ALG9: variants seen among roughly 807,000 people sequenced by gnomAD.
ALG9 encodes the protein ALG9 alpha-1,2-mannosyltransferase.
In ALG9, 55 loss-of-function variants were observed where a neutral mutation model predicts 81.8. The ratio of observed to expected loss-of-function variants is 0.67; its 90% CI spans 0.54 to 0.84. The LOEUF is 0.84. Among genes scored for constraint, ALG9 ranks in the 40% least tolerant of loss-of-function variants. ALG9 has a pLI of 0.00. For missense variants in ALG9, 629 were observed against 745.0 expected (o/e 0.84, Z 1.81); for synonymous variants, 278 against 274.3 (o/e 1.01, Z -0.13).
At chr11:111,797,143 TC>T (rs1555075993) in intron 14 of ALG9, among the ~76,000 whole-genome samples, 2 of 152,240 alleles carry the variant, frequency 1.3e-5, no homozygotes, top group African/African-American at 4.8e-5. Flanking sequence ...TTGACACTCC[TC>T]CCATCAACAG....
intron 6 of ALG9, among the ~76,000 whole-genome samples, chr11:111,857,142 G>A (rs1958826024): frequency 6.6e-6 from 1 of 152,060 alleles, no homozygotes; most frequent in African/African-American, 2.4e-5. Flanking sequence ...AAGAAAGAAG[G>A]AAGACGGGAG....
intron 10 of ALG9, among the ~76,000 whole-genome samples, chr11:111,839,687 G>A (rs1457787443): frequency 6.6e-6 from 1 of 151,716 alleles, no homozygotes; most frequent in Admixed American, 6.6e-5. Context: ...ATGCTGGGAG[G>A]AGTTTTTGTT....
chr11:111,821,732 T>C (rs1952424678), intron 13 of ALG9, among the ~76,000 whole-genome samples: 1 of 151,754 alleles, frequency 6.6e-6, no homozygotes, highest in Non-Finnish European at 1.5e-5. Flanking sequence ...ACCTCCCGGG[T>C]TCACGCCATT....
intron 8 of ALG9, among the ~76,000 whole-genome samples, chr11:111,852,822 A>G (rs1305705815): frequency 3.3e-5 from 5 of 151,712 alleles, no homozygotes; most frequent in Admixed American, 1.3e-4. Context: ...AATAGCTGTA[A>G]TCCCAGCTAT....
chr11:111,870,707 T>C (rs1398977241), intron 1 of ALG9: 2 of 1,034,444 alleles, frequency 1.9e-6, no homozygotes, highest in African/African-American at 1.7e-5. Flanking sequence ...AAGGCATAAA[T>C]TAACTCATAC....
intron 10 of ALG9, among the ~76,000 whole-genome samples, chr11:111,839,756 A>T (rs1271070477): frequency 6.6e-5 from 10 of 152,188 alleles, no homozygotes. Flanking sequence ...ATAAAGTTCA[A>T]TTACTTTTAT....
chr11:111,768,382 G>GT, the ALG9 span, among the ~76,000 whole-genome samples: 37 of 150,978 alleles, frequency 2.5e-4, no homozygotes, highest in South Asian at 8.6e-4. Flanking sequence ...ATTTGTTGTG[G>GT]TTTTTTTTTA....
chr11:111,852,430 G>A (rs1361617095), intron 8 of ALG9, among the ~76,000 whole-genome samples: 1 of 152,090 alleles, frequency 6.6e-6, no homozygotes, highest in African/African-American at 2.4e-5. Context: ...TGGAGATGGG[G>A]TAAACTGAAG....
chr11:111,809,505 G>A, intron 14 of ALG9, 138 bp downstream of exon 14: 4 of 997,890 alleles, frequency 4.0e-6, no homozygotes, highest in South Asian at 1.4e-5. Flanking sequence ...GGGCAACAGA[G>A]TGAGACTCCA....
intron 8 of ALG9, among the ~76,000 whole-genome samples, chr11:111,847,161 G>A (rs553139519): frequency 3.3e-5 from 5 of 152,046 alleles, no homozygotes; most frequent in South Asian, 2.1e-4. Context: ...TTGTACCACC[G>A]AGAGGGAAAA....
intron 13 of ALG9, among the ~76,000 whole-genome samples, chr11:111,812,915 C>CAAAAAA (rs57311061): frequency 0.23 from 22,233 of 96,508 alleles, 3,673 homozygotes; most frequent in African/African-American, 0.31. Flanking sequence ...GACTCTGTCT[C>CAAAAAA]AAAAAAAAAA....
chr11:111,864,414 C>T, intron 4 of ALG9: 2 of 764,444 alleles, frequency 2.6e-6, no homozygotes, highest in South Asian at 1.4e-5. Flanking sequence ...AGAGTATCTT[C>T]AAGTACAAAT....
intron 14 of ALG9, chr11:111,798,162 C>A (rs1420872022): frequency 3.6e-6 from 1 of 277,608 alleles, no homozygotes. Flanking sequence ...GAGATTGTGT[C>A]ACTGCACTCT....
At chr11:111,788,037 T>C (rs997476783) in intron 14 of ALG9, among the ~76,000 whole-genome samples, 2 of 152,202 alleles carry the variant, frequency 1.3e-5, no homozygotes, top group African/African-American at 4.8e-5. Flanking sequence ...TTAAATTCTG[T>C]ATGGAGTATT....
At position 111,835,627 on chromosome 11, in the gene ALG9, C is replaced by G. The variant is rs547536401; in HGVS notation, c.1602+538G>C. 2.6e-5 allele frequency among the ~76,000 whole-genome samples: 4 copies of G among 152,266 alleles called. No homozygotes were observed. In the East Asian group the frequency reaches 7.7e-4, roughly 29 times the overall value. ...ACTTCTACCGTAAGAAAACTTTCAG[C>G]CTACCCAAAACCTTCAAAATTAAAT... is the stretch of plus-strand genomic sequence containing the variant. On this transcript the variant is annotated intron_variant, in intron 13 of 14. Transcript: ENST00000616540.
intron 13 of ALG9, among the ~76,000 whole-genome samples, chr11:111,814,116 A>G (rs1951130620): frequency 6.6e-6 from 1 of 152,234 alleles, no homozygotes; most frequent in Admixed American, 6.5e-5. Context: ...GATTGGAAAC[A>G]AAAACACCCG....
At chr11:111,870,112 T>G in intron 2 of ALG9, 120 bp downstream of exon 2, 1 of 1,221,324 alleles carries the variant, frequency 8.2e-7, no homozygotes, top group Non-Finnish European at 1.1e-6. Context: ...GTTTTTTTTT[T>G]TAAGAAAATA....
At chr11:111,857,138 GA>G (rs1338286611) in intron 6 of ALG9, among the ~76,000 whole-genome samples, 18 of 152,068 alleles carry the variant, frequency 1.2e-4, no homozygotes, top group African/African-American at 4.3e-4. Flanking sequence ...AATAAAGAAA[GA>G]AGGAAGACGG....
intron 3 of ALG9, 83 bp downstream of exon 3, chr11:111,868,519 T>C (rs549678774): frequency 8.4e-5 from 127 of 1,503,888 alleles, no homozygotes; most frequent in South Asian, 8.0e-4. Flanking sequence ...TAACTTCCAA[T>C]TCATTTTGTC....
Sources: allele counts gnomAD v4.1 joint callset (sites outside exome capture counted in the v4.1 genomes callset), GRCh38; gene constraint gnomAD v4.1.1; transcripts MANE v1.5; gene names NCBI Gene and HGNC (gene_info 2026-07-23, HGNC 2026-07-21).